Variants in NFATC3 observed in about 807,000 individuals in gnomAD.
The protein encoded by NFATC3 is nuclear factor of activated T-cells, cytoplasmic 3.
A neutral mutation model predicts 98.6 loss-of-function variants in NFATC3; 46 were observed. The observed-to-expected ratio is 0.47, with a 90% CI of 0.37 to 0.60. The LOEUF (loss-of-function observed/expected upper bound fraction) is 0.60. NFATC3 is among the 20% of genes least tolerant of loss of function. NFATC3 has a pLI of 0.00. For missense variants in NFATC3, 1,256 were observed against 1,295.5 expected, an observed-to-expected ratio of 0.97 and a Z score of 0.47; for synonymous variants, 512 against 472.2, an observed-to-expected ratio of 1.08 and a Z score of -1.09.
chr16:68,112,266 G>GTTTTTTTTTT (rs1488610821), intron 1 of NFATC3, among the ~76,000 whole-genome samples: 1 of 117,246 alleles, frequency 8.5e-6, no homozygotes, highest in African/African-American at 3.3e-5. Context: ...TGTAGGTTCA[G>GTTTTTTTTTT]TCTTTTTTTT....
At chr16:68,174,123 G>A (rs1047667093) in intron 5 of NFATC3, among the ~76,000 whole-genome samples, 17 of 152,222 alleles carry the variant, frequency 1.1e-4, no homozygotes, top group African/African-American at 4.1e-4. Flanking sequence ...CTCCAATTTG[G>A]GCAACAGAGT....
chr16:68,131,038 T>C (rs1444478188), intron 3 of NFATC3, among the ~76,000 whole-genome samples: 1 of 152,210 alleles, frequency 6.6e-6, no homozygotes, highest in Non-Finnish European at 1.5e-5. Flanking sequence ...TGTGCTGTTC[T>C]TGTTACTGTC....
chr16:68,146,891 C>T (rs1047197468), intron 3 of NFATC3, among the ~76,000 whole-genome samples: 5 of 152,228 alleles, frequency 3.3e-5, no homozygotes, highest in African/African-American at 1.2e-4. Context: ...CTAGTGTTAA[C>T]AGTAGTAGTA....
At chr16:68,156,139 C>T (rs1014000989) in intron 3 of NFATC3, among the ~76,000 whole-genome samples, 1 of 151,890 alleles carries the variant, frequency 6.6e-6, no homozygotes, top group Non-Finnish European at 1.5e-5. Context: ...GGTGAAATCT[C>T]GTCTCTACTA....
At chr16:68,218,950 A>G (rs1205306249) in intron 9 of NFATC3, among the ~76,000 whole-genome samples, 3 of 152,070 alleles carry the variant, frequency 2.0e-5, no homozygotes, top group Non-Finnish European at 4.4e-5. Context: ...TATAAAAACA[A>G]CATCTCGGCT....
intron 4 of NFATC3, among the ~76,000 whole-genome samples, chr16:68,161,196 A>G (rs1460750533): frequency 1.3e-5 from 2 of 152,198 alleles, no homozygotes; most frequent in African/African-American, 2.4e-5. Flanking sequence ...TTTTTTATAT[A>G]GCATCAGAAG....
intron 9 of NFATC3, chr16:68,224,901 G>A (rs1356256034): frequency 2.0e-5 from 3 of 152,066 alleles, no homozygotes; most frequent in African/African-American, 2.4e-5. Flanking sequence ...GTGGTTTTTA[G>A]TATAGTCAGA....
intron 1 of NFATC3, among the ~76,000 whole-genome samples, chr16:68,094,573 A>G (rs933032026): frequency 5.3e-5 from 8 of 151,740 alleles, no homozygotes; most frequent in African/African-American, 1.2e-4. Context: ...CAAGATCAGT[A>G]CTCTTTTGGA....
chr16:68,222,343 AAGAG>A (rs1284026476), intron 9 of NFATC3, among the ~76,000 whole-genome samples: 16 of 151,092 alleles, frequency 1.1e-4, no homozygotes, highest in Admixed American at 2.6e-4. Flanking sequence ...AAAGAAAAAA[AAGAG>A]AGAAAACACG....
intron 5 of NFATC3, 95 bp from the exon 6 acceptor site, chr16:68,174,279 A>C: frequency 1.9e-6 from 2 of 1,065,680 alleles, no homozygotes; most frequent in Non-Finnish European, 2.5e-6. Flanking sequence ...GCTTCTCTTT[A>C]TTTTCTTTTT....
At chr16:68,099,162 G>A (rs1223544683) in intron 1 of NFATC3, among the ~76,000 whole-genome samples, 1 of 152,078 alleles carries the variant, frequency 6.6e-6, no homozygotes, top group Non-Finnish European at 1.5e-5. Flanking sequence ...GGCCAGGCGT[G>A]GTGGCTCACG....
intron 1 of NFATC3, chr16:68,088,619 G>T (rs933694814): frequency 4.6e-5 from 7 of 151,080 alleles, no homozygotes; most frequent in Non-Finnish European, 7.4e-5. Flanking sequence ...CTGCAGCCTC[G>T]ACCTCTGGGG....
chr16:68,130,945 T>C (rs1274858803), intron 3 of NFATC3, among the ~76,000 whole-genome samples: 1 of 152,166 alleles, frequency 6.6e-6, no homozygotes. Flanking sequence ...TTGTCGAAAA[T>C]GAGTTAGCTG....
At chr16:68,130,615 C>T (rs1261989051) in intron 3 of NFATC3, among the ~76,000 whole-genome samples, 1 of 152,058 alleles carries the variant, frequency 6.6e-6, no homozygotes, top group African/African-American at 2.4e-5. Flanking sequence ...TCTCCTCATT[C>T]TGTTATTTCC....
At chr16:68,194,174 T>C (rs145530106) in intron 9 of NFATC3, among the ~76,000 whole-genome samples, 1 of 152,362 alleles carries the variant, frequency 6.6e-6, no homozygotes, top group Non-Finnish European at 1.5e-5. Flanking sequence ...GAACTGAGAC[T>C]GGTTCAATCC....
intron 9 of NFATC3, among the ~76,000 whole-genome samples, chr16:68,194,242 G>A (rs2040565451): frequency 2.0e-5 from 3 of 152,154 alleles, no homozygotes; most frequent in African/African-American, 7.2e-5. Flanking sequence ...ATGGTGGTTA[G>A]AACAGAACTC....
chr16:68,177,634 A>T, intron 6 of NFATC3, among the ~76,000 whole-genome samples: 1 of 151,172 alleles, frequency 6.6e-6, no homozygotes, highest in Non-Finnish European at 1.5e-5. Flanking sequence ...TAATGTTTTC[A>T]TTCTTTTGTC....
chr16:68,158,930 C>T (rs897656248), intron 4 of NFATC3, among the ~76,000 whole-genome samples: 17 of 152,184 alleles, frequency 1.1e-4, no homozygotes, highest in Admixed American at 9.2e-4. Context: ...AACACATTGT[C>T]ACCTCAAATA....
chr16:68,185,013 AC>A (rs751675639), intron 8 of NFATC3, among the ~76,000 whole-genome samples: 1 of 150,950 alleles, frequency 6.6e-6, no homozygotes, highest in Non-Finnish European at 1.5e-5. Context: ...AGAGAGTCTT[AC>A]CCTGTTGCTC....
Sources: gnomAD v4.1 joint callset for allele counts (sites outside exome capture counted in the v4.1 genomes callset) on GRCh38, gnomAD v4.1.1 for gene constraint, MANE v1.5 for transcripts, NCBI Gene and HGNC (gene_info 2026-07-23, HGNC 2026-07-21) for gene names.